The following CHST9 variants were observed in gnomAD, a reference collection of about 807,000 sequenced individuals.
CHST9 encodes carbohydrate sulfotransferase 9.
CHST9 carries 41 observed loss-of-function variants against 44.4 expected under a neutral mutation model. The observed-to-expected ratio is 0.92, with a 90% CI of 0.72 to 1.20. The LOEUF (loss-of-function observed/expected upper bound fraction) is 1.20. Ranked by LOEUF, CHST9 falls within the 50% of genes most tolerant of loss-of-function variation. The probability of loss-of-function intolerance (pLI) is 0.00; values close to 1 mark genes in which losing one functional copy is unlikely to be tolerated. For missense variants in CHST9, 504 were observed against 516.5 expected (o/e 0.98, Z 0.23); for synonymous variants, 171 against 178.4 (o/e 0.96, Z 0.33).
At chr18:27,087,339 T>C (rs957666236) in intron 2 of CHST9, among the ~76,000 whole-genome samples, 1 of 152,162 alleles carries the variant, frequency 6.6e-6, no homozygotes, top group African/African-American at 2.4e-5. Flanking sequence ...ATCTGTGACT[T>C]TCAGTGCTCA....
chr18:27,165,606 A>C (rs2058783820), intron 1 of CHST9, among the ~76,000 whole-genome samples: 1 of 152,212 alleles, frequency 6.6e-6, no homozygotes, highest in Non-Finnish European at 1.5e-5. Flanking sequence ...CATAACCAGC[A>C]GAGCCAGAAT....
At chr18:26,937,525 C>T (rs923484016) in intron 5 of CHST9, among the ~76,000 whole-genome samples, 4 of 152,082 alleles carry the variant, frequency 2.6e-5, no homozygotes, top group Non-Finnish European at 5.9e-5. Flanking sequence ...CCTGGATTCA[C>T]ATTTGAGGGC....
At chr18:26,928,871 T>C (rs764903432) in intron 5 of CHST9, among the ~76,000 whole-genome samples, 6 of 151,842 alleles carry the variant, frequency 4.0e-5, no homozygotes, top group Non-Finnish European at 8.8e-5. Flanking sequence ...CTGGCTGGAG[T>C]GCAAAAGAAT....
chr18:26,971,704 C>T (rs1598605904), intron 4 of CHST9, among the ~76,000 whole-genome samples: 1 of 152,188 alleles, frequency 6.6e-6, no homozygotes, highest in East Asian at 1.9e-4. Flanking sequence ...AGCACGCATC[C>T]CTTCTGCTCA....
rs60560362 is a variant in CHST9 at position 27,175,609 on chromosome 18, T to C, written c.-97+9527A>G. Among the ~76,000 whole-genome samples, 1,280 of 152,164 alleles carry C rather than the reference T, an allele frequency of 8.4e-3. 20 individuals carry two copies. The highest frequency in any genetic ancestry group is 0.029 in the African/African-American group (1,225 of 41,528). ...GGGGCATCATAGCTTACAAACTTTA[T>C]TTTATTTACTTATTTGTGTATTTTT... On this transcript the variant is annotated intron_variant, in intron 1 of 5. Coordinates refer to ENST00000618847, the MANE Select transcript of CHST9 (RefSeq NM_031422.6).
At chr18:26,989,775 C>A (rs561224691) in intron 4 of CHST9, among the ~76,000 whole-genome samples, 1 of 152,054 alleles carries the variant, frequency 6.6e-6, no homozygotes, top group African/African-American at 2.4e-5. Flanking sequence ...CATGGAAAAA[C>A]CCCATCTCTA....
At chr18:26,973,573 TGAC>T in intron 4 of CHST9, among the ~76,000 whole-genome samples, 2 of 152,366 alleles carry the variant, frequency 1.3e-5, no homozygotes, top group Admixed American at 1.3e-4. Flanking sequence ...TCTTAAAACA[TGAC>T]ATTATGTTTT....
chr18:27,038,634 A>G (rs1292588295), intron 3 of CHST9, among the ~76,000 whole-genome samples: 1 of 152,204 alleles, frequency 6.6e-6, no homozygotes, highest in African/African-American at 2.4e-5. Context: ...CTATGTGACT[A>G]GCACAACTCA....
chr18:26,975,649 G>GTATATATATATATATATA (rs36030325), intron 4 of CHST9, among the ~76,000 whole-genome samples: 14 of 126,920 alleles, frequency 1.1e-4, no homozygotes, highest in African/African-American at 4.2e-4. Context: ...ATGTATGTGT[G>GTATATATATATATATATA]TATATATATA....
chr18:26,978,868 C>T (rs2056657400), intron 4 of CHST9, among the ~76,000 whole-genome samples: 1 of 152,116 alleles, frequency 6.6e-6, no homozygotes, highest in South Asian at 2.1e-4. Context: ...ATGCCTGGCT[C>T]AGAGCTGAAC....
intron 1 of CHST9, among the ~76,000 whole-genome samples, chr18:27,144,866 G>A (rs933279163): frequency 2.0e-4 from 30 of 151,866 alleles, no homozygotes; most frequent in East Asian, 1.9e-4. Flanking sequence ...TCAACCCTGC[G>A]TTTCTACAGT....
chr18:27,037,051 G>A (rs184181839), intron 3 of CHST9, among the ~76,000 whole-genome samples: 9 of 152,270 alleles, frequency 5.9e-5, no homozygotes, highest in South Asian at 4.1e-4. Flanking sequence ...GTTTTCTGTC[G>A]TTTAGAGAGG....
chr18:27,085,158 T>A (rs1244052046), intron 2 of CHST9, among the ~76,000 whole-genome samples: 2 of 151,870 alleles, frequency 1.3e-5, no homozygotes, highest in African/African-American at 4.8e-5. Context: ...CTGTTGCACC[T>A]ATCATATCCA....
At chr18:26,924,407 T>A (rs2055723818) in intron 5 of CHST9, among the ~76,000 whole-genome samples, 2 of 152,058 alleles carry the variant, frequency 1.3e-5, no homozygotes, top group South Asian at 4.1e-4. Context: ...GAGTTTAAGG[T>A]GCCTTAGAGA....
At chr18:27,023,818 TA>T (rs1200270207) in intron 4 of CHST9, among the ~76,000 whole-genome samples, 1 of 152,178 alleles carries the variant, frequency 6.6e-6, no homozygotes, top group Non-Finnish European at 1.5e-5. Flanking sequence ...GAAAAATATG[TA>T]AACTTTTTCA....
At chr18:26,991,665 C>A (rs2056818089) in intron 4 of CHST9, among the ~76,000 whole-genome samples, 1 of 66,962 alleles carries the variant, frequency 1.5e-5, no homozygotes, top group African/African-American at 3.9e-5. Context: ...AACTAAGAAG[C>A]ACCTGCCAGT....
chr18:26,916,673 T>C lies in CHST9; in HGVS notation c.918A>G (p.Gly306=), dbSNP rs773425949. 10 of 1,613,818 alleles carry C rather than the reference T, an allele frequency of 6.2e-6. No individual in the cohort carries two copies. The highest frequency in any genetic ancestry group is 8.5e-6 in the Non-Finnish European group (10 of 1,179,830). Residue 306 remains glycine (G), a synonymous_variant, in exon 6 of 6, where the codon GGA becomes GGG. Coordinates refer to ENST00000618847, the MANE Select transcript of CHST9 (RefSeq NM_031422.6). ...HPNSYYHPVF[G]KAIIKKYRPN... is the part of the protein sequence containing the mutation. ...GTCGATATTTCTTGATAATTGCCTT[T>C]CCGAATACTGGATGGTAATAACTAT...
chr18:27,020,489 T>C (rs2057211618), intron 4 of CHST9, among the ~76,000 whole-genome samples: 1 of 152,230 alleles, frequency 6.6e-6, no homozygotes, highest in South Asian at 2.1e-4. Flanking sequence ...TTTGGAGCTG[T>C]CTTTTCACAG....
At chr18:26,966,422 A>C (rs542783524) in intron 4 of CHST9, among the ~76,000 whole-genome samples, 11 of 152,226 alleles carry the variant, frequency 7.2e-5, no homozygotes, top group Non-Finnish European at 1.2e-4. Context: ...AAGTTGCAAG[A>C]ATAATAATCT....
Sources: allele counts gnomAD v4.1 joint callset (sites outside exome capture counted in the v4.1 genomes callset), GRCh38; gene constraint gnomAD v4.1.1; transcripts MANE v1.5; gene names NCBI Gene and HGNC (gene_info 2026-07-23, HGNC 2026-07-21).